Variants in VPS45 observed in about 807,000 individuals in gnomAD.
The protein encoded by VPS45 is vacuolar protein sorting-associated protein 45.
Under a neutral mutation model 75.9 loss-of-function variants are expected in VPS45, and 35 were observed. The observed-to-expected ratio is 0.46, with a 90% confidence interval of 0.35 to 0.61. VPS45 has a LOEUF of 0.61. Ranked by LOEUF, VPS45 falls within the 20% of genes least tolerant of loss-of-function variation. The probability of loss-of-function intolerance (pLI) is 0.00; values close to 1 mark genes in which losing one functional copy is unlikely to be tolerated. For missense variants in VPS45, 559 were observed against 685.9 expected (o/e 0.81, Z 2.07); for synonymous variants, 220 against 238.2 (o/e 0.92, Z 0.70).
rs1656881833 is a variant in VPS45, at chr1:150,099,853, AG to A, written c.1493+6206del. 1.5e-3 allele frequency among the ~76,000 whole-genome samples: 201 copies of A among 137,400 alleles called. 1 individual carries two copies. Among genetic ancestry groups the A allele is most frequent in the African/African-American group, 5.3e-3 (196 of 37,138 alleles). The allele number at this position is 137,400 out of a possible 152,430, so 90.1% of individuals were successfully genotyped here. A position where few individuals can be genotyped will look rare whatever the true frequency, so the allele number is the denominator to read the frequency against. ...GTCTCAAAAAAAAAAAAAAAAAAAG[AG>A]CCATCTATGACAAACCCACAGCCAA... is the stretch of plus-strand genomic sequence containing the variant. On this transcript the variant is annotated intron_variant, in intron 13 of 14. Coordinates refer to ENST00000644510, the MANE Select transcript of VPS45 (RefSeq NM_007259.5).
chr1:150,100,383 A>G (rs1656913827), intron 13 of VPS45, among the ~76,000 whole-genome samples: 1 of 152,244 alleles, frequency 6.6e-6, no homozygotes, highest in African/African-American at 2.4e-5. Flanking sequence ...GGAAGAATCA[A>G]TATCATTAAA....
At position 150,144,700 on chromosome 1, in the gene VPS45, A is replaced by G. The variant is rs782494023; in HGVS notation, c.1626-9A>G. On this transcript the variant is annotated splice_polypyrimidine_tract_variant and intron_variant, in intron 14 of 14. Coordinates refer to ENST00000644510, the MANE Select transcript of VPS45 (RefSeq NM_007259.5). ...TTTTTCCTTCAAGTAACCTCAAACT[A>G]CTTATCAGTTTCCTAGAGGAAGTTC... The G allele has an allele frequency of 2.5e-6, 4 of 1,608,740 alleles. No homozygotes were observed. Among genetic ancestry groups the G allele is most frequent in the Non-Finnish European group, 3.4e-6 (4 of 1,176,980 alleles).
intron 3 of VPS45, among the ~76,000 whole-genome samples, chr1:150,073,789 C>G (rs1553797492): frequency 6.6e-6 from 1 of 152,124 alleles, no homozygotes; most frequent in Non-Finnish European, 1.5e-5. Flanking sequence ...ATTTTCATCT[C>G]TATAAGGATC....
At position 150,084,390 on chromosome 1, in the gene VPS45, A is replaced by C. The variant is rs188236661; in HGVS notation, c.1104+1507A>C. ...ACAGGTCAGAGAGACTTGTAGACTT[A>C]CAGTGATAGTAGTAAAAATGTACAG... On this transcript the variant is annotated intron_variant, in intron 10 of 14. Transcript: ENST00000644510. Among the ~76,000 whole-genome samples the C allele has an allele frequency of 4.6e-5, 7 of 152,278 alleles. No homozygotes were observed. The East Asian group carries it at 1.2e-3, about 25-fold the overall frequency.
At position 150,099,718 on chromosome 1, in the gene VPS45, G is replaced by A. The variant is rs149960307; in HGVS notation, c.1493+6070G>A. ...TGTGGTGTTGGGTGGCTGTAGTCCC[G>A]GCTACACGGGAGGCTGAGGCAGGAG... is the stretch of plus-strand genomic sequence containing the variant. On this transcript the variant is annotated intron_variant, in intron 13 of 14. Transcript: ENST00000644510. Among the ~76,000 whole-genome samples, 35 of 150,780 alleles carry A rather than the reference G, an allele frequency of 2.3e-4. 1 individual carries two copies. The East Asian group carries it at 6.3e-3, about 27-fold the overall frequency.
At chr1:150,118,549 G>A (rs1416131470) in intron 14 of VPS45, among the ~76,000 whole-genome samples, 8 of 151,810 alleles carry the variant, frequency 5.3e-5, no homozygotes, top group African/African-American at 1.9e-4. Context: ...GGCACTACAG[G>A]CGTGCACCAC....
chr1:150,117,039 A>G lies in VPS45; in HGVS notation c.1625+6412A>G, dbSNP rs587659841. On this transcript the variant is annotated intron_variant, in intron 14 of 14. Transcript: ENST00000644510. Reference sequence around the variant, plus strand: ...ATCACAGTGAAACCCCATCTCTACTAAAAATACAAAAATTAGCTGGGCGTG... The same window carrying G: ...ATCACAGTGAAACCCCATCTCTACTGAAAATACAAAAATTAGCTGGGCGTG... Among the ~76,000 whole-genome samples the G allele has an allele frequency of 1.2e-3, 189 of 152,052 alleles. 1 individual carries two copies. The South Asian group carries it at 0.018, about 14-fold the overall frequency.
intron 14 of VPS45, 81 bp from the exon 15 acceptor site, chr1:150,144,627 TG>T: frequency 8.3e-7 from 1 of 1,204,124 alleles, no homozygotes; most frequent in Non-Finnish European, 1.2e-6. Context: ...TATTTTCATC[TG>T]GTTAGATGTC....
chr1:150,112,166 A>T (rs1450902469), intron 14 of VPS45, among the ~76,000 whole-genome samples: 3 of 151,596 alleles, frequency 2.0e-5, no homozygotes, highest in East Asian at 3.9e-4. Flanking sequence ...TTTCTTAATA[A>T]TTTTTTTAAT....
chr1:150,144,958 C>T lies in VPS45; in HGVS notation c.*162C>T, dbSNP rs1447972364. The T allele has an allele frequency of 5.2e-6, 8 of 1,528,232 alleles. No individual in the cohort carries two copies. The highest frequency in any genetic ancestry group is 7.0e-6 in the Non-Finnish European group (8 of 1,140,088). 94.7% of individuals were successfully genotyped at this position (1,528,232 alleles called of 1,614,324 possible). ...GTGGTTGGCACAGACACAAGACTCCCAGAGTTGTCCTAACAATAAGTCTGA... is the reference window on the plus strand; with the variant it reads ...GTGGTTGGCACAGACACAAGACTCCTAGAGTTGTCCTAACAATAAGTCTGA... On this transcript the variant is annotated 3_prime_UTR_variant, in exon 15 of 15. Coordinates refer to ENST00000644510, the MANE Select transcript of VPS45 (RefSeq NM_007259.5).
At chr1:150,138,273 A>G (rs191332604) in intron 14 of VPS45, among the ~76,000 whole-genome samples, 1 of 152,040 alleles carries the variant, frequency 6.6e-6, no homozygotes, top group East Asian at 1.9e-4. Context: ...TTATTTTTTA[A>G]AAAAAAATAG....
intron 14 of VPS45, among the ~76,000 whole-genome samples, chr1:150,113,233 A>G (rs1181135520): frequency 6.6e-6 from 1 of 152,124 alleles, no homozygotes; most frequent in East Asian, 1.9e-4. Flanking sequence ...TCATTGAAAC[A>G]AAAGACACTC....
At chr1:150,144,441 A>G (rs587601461) in intron 14 of VPS45, among the ~76,000 whole-genome samples, 2 of 151,662 alleles carry the variant, frequency 1.3e-5, no homozygotes, top group South Asian at 4.2e-4. Flanking sequence ...AGAAACTTCA[A>G]ACTTGAAATG....
chr1:150,139,904 G>C (rs1260220741), intron 14 of VPS45, among the ~76,000 whole-genome samples: 1 of 151,578 alleles, frequency 6.6e-6, no homozygotes, highest in East Asian at 1.9e-4. Flanking sequence ...TGTTGTTGTT[G>C]TTGTTTTGAG....
At chr1:150,104,497 A>G (rs1198490121) in intron 13 of VPS45, among the ~76,000 whole-genome samples, 6 of 152,106 alleles carry the variant, frequency 3.9e-5, no homozygotes, top group African/African-American at 1.4e-4. Flanking sequence ...CTCTTTTTAT[A>G]TGATGATTTC....
At chr1:150,117,754 G>A (rs1553808699) in intron 14 of VPS45, among the ~76,000 whole-genome samples, 1 of 151,704 alleles carries the variant, frequency 6.6e-6, no homozygotes. Context: ...AGGTACTTGG[G>A]AGGCTGAGGC....
At chr1:150,114,706 A>G (rs1657834975) in intron 14 of VPS45, among the ~76,000 whole-genome samples, 1 of 151,944 alleles carries the variant, frequency 6.6e-6, no homozygotes, top group Non-Finnish European at 1.5e-5. Flanking sequence ...GAGGAGTTCA[A>G]GGAGTTCAGG....
chr1:150,131,746 T>C (rs1658851580), intron 14 of VPS45, among the ~76,000 whole-genome samples: 1 of 150,608 alleles, frequency 6.6e-6, no homozygotes, highest in Non-Finnish European at 1.5e-5. Flanking sequence ...CTTGGGAGAC[T>C]CAGGCAGGAA....
In VPS45 at chr1:150,072,150, G is replaced by A. The variant is rs782282639; in HGVS notation, c.229-16G>A. 6.2e-7 allele frequency: 1 copy of A among 1,601,980 alleles called. No homozygotes were observed. The highest frequency in any genetic ancestry group is 1.1e-5 in the South Asian group (1 of 89,230). ...AACTCTCCTCATATTTTGTTTGCTT[G>A]TTCTTCATTTTCTAGGAGAATGTGG... On this transcript the variant is annotated splice_polypyrimidine_tract_variant and intron_variant, in intron 2 of 14. Transcript: ENST00000644510.
Sources: allele counts gnomAD v4.1 joint callset (sites outside exome capture counted in the v4.1 genomes callset), GRCh38; gene constraint gnomAD v4.1.1; transcripts MANE v1.5; gene names NCBI Gene and HGNC (gene_info 2026-07-23, HGNC 2026-07-21).